Variants in SLC35F1 observed in about 807,000 individuals in gnomAD.
SLC35F1 encodes the protein solute carrier family 35 member F1.
A neutral mutation model predicts 48.7 loss-of-function variants in SLC35F1; 14 were observed. That is an observed-to-expected ratio of 0.29 (90% CI 0.19 to 0.45). The LOEUF is 0.45. Ranked by LOEUF, SLC35F1 falls within the 20% of genes least tolerant of loss-of-function variation. The pLI, the probability that SLC35F1 is intolerant of heterozygous loss-of-function variation, is 1.00. For missense variants in SLC35F1, 404 were observed against 500.0 expected (o/e 0.81, Z 1.83); for synonymous variants, 190 against 202.2 (o/e 0.94, Z 0.51).
At chr6:118,277,426 A>T in intron 5 of SLC35F1, 68 bp from the exon 6 acceptor site, 2 of 1,395,720 alleles carry the variant, frequency 1.4e-6, no homozygotes, top group Non-Finnish European at 2.0e-6. Flanking sequence ...TGGGGGGGAA[A>T]AAAGAAAGAA....
At position 118,236,265 on chromosome 6, in the gene SLC35F1, C is replaced by G. The variant is rs1006372131; in HGVS notation, c.477+629C>G. Reference sequence around the variant, plus strand: ...ACATGAACACACACACACACAATTGCAAGTTTACCTTCGCTTTTCACAATT... The same window carrying G: ...ACATGAACACACACACACACAATTGGAAGTTTACCTTCGCTTTTCACAATT... On this transcript the variant is annotated intron_variant, in intron 3 of 7. Transcript: ENST00000360388. Among the ~76,000 whole-genome samples, 6 of 152,226 alleles carry G rather than the reference C, an allele frequency of 3.9e-5. No homozygotes were observed. In the East Asian group the frequency reaches 1.2e-3, roughly 29 times the overall value.
intron 3 of SLC35F1, among the ~76,000 whole-genome samples, chr6:118,258,551 T>C (rs1438129075): frequency 6.6e-6 from 1 of 152,060 alleles, no homozygotes; most frequent in Non-Finnish European, 1.5e-5. Context: ...CTAAAAAATA[T>C]GGCAGTAAAT....
intron 1 of SLC35F1, among the ~76,000 whole-genome samples, chr6:118,096,144 C>T (rs995800996): frequency 6.6e-6 from 1 of 152,178 alleles, no homozygotes; most frequent in African/African-American, 2.4e-5. Context: ...CCAATCTCAA[C>T]CCTTTCCTTC....
chr6:118,309,525 C>A (rs1056906355), intron 7 of SLC35F1, among the ~76,000 whole-genome samples: 1 of 152,200 alleles, frequency 6.6e-6, no homozygotes, highest in Non-Finnish European at 1.5e-5. Context: ...CCCATGTTCT[C>A]CTCTGCTGAC....
chr6:118,176,232 T>C (rs1326636450), intron 2 of SLC35F1, among the ~76,000 whole-genome samples: 1 of 152,134 alleles, frequency 6.6e-6, no homozygotes, highest in Non-Finnish European at 1.5e-5. Context: ...CTTTCCAAGC[T>C]AAATATCCCC....
chr6:118,134,982 G>A (rs902753457), intron 1 of SLC35F1, among the ~76,000 whole-genome samples: 4 of 152,152 alleles, frequency 2.6e-5, no homozygotes, highest in Non-Finnish European at 4.4e-5. Context: ...TTCTTAACAG[G>A]GGTTATACAA....
chr6:118,059,057 A>T (rs112688127), intron 1 of SLC35F1, among the ~76,000 whole-genome samples: 2,212 of 152,296 alleles, frequency 0.015, 62 homozygotes, highest in African/African-American at 0.05. Context: ...AAAGACATAT[A>T]CCACGGTATT....
At chr6:118,169,881 G>A (rs1774376071) in intron 2 of SLC35F1, among the ~76,000 whole-genome samples, 1 of 152,074 alleles carries the variant, frequency 6.6e-6, no homozygotes, top group Non-Finnish European at 1.5e-5. Flanking sequence ...CTTTTAATAA[G>A]GATTCAAAGA....
intron 1 of SLC35F1, among the ~76,000 whole-genome samples, chr6:118,136,287 G>A (rs1047191206): frequency 6.6e-5 from 10 of 152,198 alleles, no homozygotes; most frequent in African/African-American, 1.4e-4. Context: ...AACTCATTGA[G>A]CATGCTGTTT....
chr6:118,200,811 G>A (rs1774864705), intron 2 of SLC35F1, among the ~76,000 whole-genome samples: 1 of 152,160 alleles, frequency 6.6e-6, no homozygotes, highest in Non-Finnish European at 1.5e-5. Flanking sequence ...AGATGATAAA[G>A]ATCCTGCAAT....
In SLC35F1 at chr6:118,154,566, C is replaced by T; in HGVS notation, c.295C>T (p.Leu99Phe). 1 of 1,613,966 alleles carries T rather than the reference C, an allele frequency of 6.2e-7. No individual in the cohort carries two copies. The highest frequency in any genetic ancestry group is 1.1e-5 in the South Asian group (1 of 91,044). Residue 99 changes from leucine (L) to phenylalanine (F), a missense_variant, in exon 2 of 8, where the codon CTC (leucine) becomes TTC (phenylalanine). Around this residue, in one of 2 missense-constraint regions of SLC35F1, gnomAD observed 306 missense variants for 419.1 expected, o/e 0.73. Coordinates refer to ENST00000360388, the MANE Select transcript of SLC35F1 (RefSeq NM_001029858.4). ...CAACACACCAGTCTTCCAGAGTTTC[C>T]TCAATTACATTCTTCTCTTCTTGGT... is the stretch of plus-strand genomic sequence containing the variant. ...HANTPVFQSF[L>F]NYILLFLVYT...
intron 1 of SLC35F1, among the ~76,000 whole-genome samples, chr6:118,084,847 C>G (rs1772963438): frequency 6.6e-6 from 1 of 152,092 alleles, no homozygotes; most frequent in African/African-American, 2.4e-5. Flanking sequence ...GACCAGGAAA[C>G]TCAGCAACCT....
intron 1 of SLC35F1, among the ~76,000 whole-genome samples, chr6:117,983,749 G>C (rs2114852115): frequency 6.6e-6 from 1 of 152,268 alleles, no homozygotes; most frequent in South Asian, 2.1e-4. Context: ...TTGTGGTACA[G>C]CTGAAAAATC....
intron 2 of SLC35F1, among the ~76,000 whole-genome samples, chr6:118,216,041 C>T (rs1473295705): frequency 5.3e-5 from 8 of 150,566 alleles, no homozygotes; most frequent in African/African-American, 1.9e-4. Flanking sequence ...TTGGTATGCA[C>T]ATTTTTATTC....
intron 7 of SLC35F1, among the ~76,000 whole-genome samples, chr6:118,301,254 C>G (rs761806549): frequency 6.6e-6 from 1 of 152,144 alleles, no homozygotes; most frequent in Non-Finnish European, 1.5e-5. Flanking sequence ...CTAGGCTGAA[C>G]ATTATCTAGA....
intron 1 of SLC35F1, among the ~76,000 whole-genome samples, chr6:118,092,938 A>G (rs562121609): frequency 2.0e-5 from 3 of 152,310 alleles, no homozygotes; most frequent in Non-Finnish European, 4.4e-5. Context: ...CTTGTCTCAG[A>G]TAAGACTTCA....
chr6:117,997,986 G>A (rs1229263615), intron 1 of SLC35F1, among the ~76,000 whole-genome samples: 1 of 143,056 alleles, frequency 7.0e-6, no homozygotes, highest in Non-Finnish European at 1.5e-5. Context: ...TGGCAAATTG[G>A]ATAAAGAGTC....
intron 2 of SLC35F1, among the ~76,000 whole-genome samples, chr6:118,194,236 T>A (rs994121004): frequency 6.6e-6 from 1 of 152,100 alleles, no homozygotes; most frequent in Non-Finnish European, 1.5e-5. Flanking sequence ...AAATCTAGAA[T>A]CTTCAAAGGT....
intron 1 of SLC35F1, among the ~76,000 whole-genome samples, chr6:117,921,053 G>GACACACACAC (rs60793418): frequency 8.0e-5 from 12 of 149,506 alleles, no homozygotes; most frequent in African/African-American, 2.2e-4. Context: ...ATTTCTCTTT[G>GACACACACAC]ACACACACAC....
Sources: gnomAD v4.1 joint callset for allele counts (sites outside exome capture counted in the v4.1 genomes callset) on GRCh38, gnomAD v4.1.1 for gene constraint, gnomAD v4.1.1 regional missense constraint, MANE v1.5 for transcripts, NCBI Gene and HGNC (gene_info 2026-07-23, HGNC 2026-07-21) for gene names.